The following EBF3 variants were observed in gnomAD, a reference collection of about 807,000 sequenced individuals.
The protein encoded by EBF3 is EBF transcription factor 3, also known as transcription factor COE3.
Under a neutral mutation model 77.1 loss-of-function variants are expected in EBF3, and 18 were observed. The ratio of observed to expected loss-of-function variants is 0.23; its 90% CI spans 0.16 to 0.35. The LOEUF (loss-of-function observed/expected upper bound fraction) is 0.35. EBF3 is among the 10% of genes least tolerant of loss of function. The pLI is 1.00. For synonymous variants in EBF3, 350 were observed against 343.5 expected (o/e 1.02, Z -0.21); for missense variants, 558 against 860.0 (o/e 0.65, Z 4.39).
In EBF3 at chr10:129,842,574, G is replaced by T. The variant is rs1850152161; in HGVS notation, c.1195-281C>A. ...AGGTCAGGAGTTCAAGACCAGCCTGGCCAACATGGCGAAATCCCATCTCTA... is the reference window on the plus strand; with the variant it reads ...AGGTCAGGAGTTCAAGACCAGCCTGTCCAACATGGCGAAATCCCATCTCTA... On this transcript the variant is annotated intron_variant, in intron 12 of 16. Transcript: ENST00000440978. The surrounding 1 kb of genome is among the most constrained non-coding windows in gnomAD (Gnocchi z 4.4). Among the ~76,000 whole-genome samples the T allele has an allele frequency of 6.6e-6, 1 of 152,076 alleles. No homozygotes were observed. The highest frequency in any genetic ancestry group is 6.5e-5 in the Admixed American group (1 of 15,272).
At chr10:129,920,954 C>T (rs1020134423) in intron 6 of EBF3, among the ~76,000 whole-genome samples, 1 of 151,946 alleles carries the variant, frequency 6.6e-6, no homozygotes, top group African/African-American at 2.4e-5. Context: ...CCAGTGCCCA[C>T]CAGAAGGCTG....
At chr10:129,875,388 G>A (rs1408805479) in intron 7 of EBF3, among the ~76,000 whole-genome samples, 1 of 151,900 alleles carries the variant, frequency 6.6e-6, no homozygotes, top group East Asian at 1.9e-4. Flanking sequence ...AGTAGAGATG[G>A]GGTTTCATCA....
chr10:129,952,702 C>G lies in EBF3; in HGVS notation c.554+4556G>C, dbSNP rs1031776885. ...TTATCCTCCCCGCTTCTGAAAACAA[C>G]CTGACAAGAAGATGTAAAGGGCTAG... is the stretch of plus-strand genomic sequence containing the variant. On this transcript the variant is annotated intron_variant, in intron 6 of 16. Coordinates refer to ENST00000440978, the MANE Select transcript of EBF3 (RefSeq NM_001375380.1). The surrounding 1 kb of genome is among the most constrained non-coding windows in gnomAD (Gnocchi z 4.7). 3.3e-5 allele frequency among the ~76,000 whole-genome samples: 5 copies of G among 152,088 alleles called. No individual in the cohort carries two copies. Among genetic ancestry groups the G allele is most frequent in the Non-Finnish European group, 2.9e-5 (2 of 68,014 alleles).
intron 10 of EBF3, among the ~76,000 whole-genome samples, chr10:129,850,431 C>A (rs956443301): frequency 1.3e-5 from 2 of 152,200 alleles, no homozygotes; most frequent in Non-Finnish European, 2.9e-5. Context: ...ACATGGGCCC[C>A]TTTCACCTCT....
rs77059422 is a variant in EBF3 at position 129,956,178 on chromosome 10, C to T, written c.554+1080G>A. On this transcript the variant is annotated intron_variant, in intron 6 of 16. Transcript: ENST00000440978. ...CATTAGCATTGCTCTCCACTGGTGG[C>T]GCATATTTCTTTAGGCTTAACTCAT... Among the ~76,000 whole-genome samples, 786 of 152,272 alleles carry T rather than the reference C, an allele frequency of 5.2e-3. 29 individuals are homozygous for T. The East Asian group carries it at 0.073, about 14-fold the overall frequency.
chr10:129,934,530 C>T (rs1319603855), intron 6 of EBF3, among the ~76,000 whole-genome samples: 1 of 152,188 alleles, frequency 6.6e-6, no homozygotes, highest in African/African-American at 2.4e-5. Context: ...CATCTCAGGG[C>T]CCATGTAAAT....
intron 6 of EBF3, among the ~76,000 whole-genome samples, chr10:129,901,814 G>A (rs1054510346): frequency 3.9e-5 from 6 of 152,186 alleles, no homozygotes; most frequent in Admixed American, 3.9e-4. Context: ...GGTGGGCCTC[G>A]TGGCGAGGGC....
rs552960213 is a variant in EBF3 at position 129,940,120 on chromosome 10, C to T, written c.554+17138G>A. On this transcript the variant is annotated intron_variant, in intron 6 of 16. Transcript: ENST00000440978. ...GGTCAGACTCAAGCCCCTGCCCAGGCACACATCTGCACTGCCATGTCACAC... is the reference window on the plus strand; with the variant it reads ...GGTCAGACTCAAGCCCCTGCCCAGGTACACATCTGCACTGCCATGTCACAC... Among the ~76,000 whole-genome samples, 66 of 152,350 alleles carry T rather than the reference C, an allele frequency of 4.3e-4. 1 individual carries two copies. Among genetic ancestry groups the T allele is most frequent in the Middle Eastern group, 3.4e-3 (1 of 294 alleles).
At chr10:129,962,364 G>A in intron 3 of EBF3, 138 bp from the exon 4 acceptor site, 3 of 717,260 alleles carry the variant, frequency 4.2e-6, no homozygotes, top group South Asian at 1.8e-5. Flanking sequence ...CTTTGAAAGG[G>A]AGAAAGAGAA....
intron 6 of EBF3, among the ~76,000 whole-genome samples, chr10:129,888,259 C>G (rs1853757453): frequency 6.6e-6 from 1 of 152,244 alleles, no homozygotes; most frequent in Non-Finnish European, 1.5e-5. Context: ...TCCCAGTCAA[C>G]AGACTGAAGG....
At chr10:129,932,556 C>T (rs1002213353) in intron 6 of EBF3, among the ~76,000 whole-genome samples, 7 of 152,218 alleles carry the variant, frequency 4.6e-5, no homozygotes, top group Non-Finnish European at 8.8e-5. Flanking sequence ...TTTCCAAGGG[C>T]AGGACAGACA....
intron 6 of EBF3, among the ~76,000 whole-genome samples, chr10:129,898,854 C>A (rs1289002571): frequency 3.3e-5 from 5 of 152,228 alleles, no homozygotes; most frequent in Admixed American, 2.0e-4. Context: ...CCCCGCTGCG[C>A]CTCCCGCAGC....
At chr10:129,860,545 T>A (rs1286908522) in intron 10 of EBF3, among the ~76,000 whole-genome samples, 1 of 152,184 alleles carries the variant, frequency 6.6e-6, no homozygotes, top group Non-Finnish European at 1.5e-5. Context: ...GTGGCCCCGA[T>A]GAGAGCAGCC....
intron 6 of EBF3, among the ~76,000 whole-genome samples, chr10:129,937,858 C>A (rs75213193): frequency 6.6e-6 from 1 of 152,108 alleles, no homozygotes; most frequent in Non-Finnish European, 1.5e-5. Context: ...GAGGAATTCC[C>A]GGGGAAACAT....
In EBF3 at chr10:129,870,769, G is replaced by A. The variant is rs925744435; in HGVS notation, c.781+2683C>T. ...TGACTCAACTTGGAAACCCGTGTTG[G>A]AGACCCATATCTTTGGGTTTTTTTC... is the stretch of plus-strand genomic sequence containing the variant. On this transcript the variant is annotated intron_variant, in intron 8 of 16. Coordinates refer to ENST00000440978, the MANE Select transcript of EBF3 (RefSeq NM_001375380.1). The surrounding 1 kb of genome is among the most constrained non-coding windows in gnomAD (Gnocchi z 4.4). Among the ~76,000 whole-genome samples the A allele has an allele frequency of 4.6e-5, 7 of 152,160 alleles. No individual in the cohort carries two copies. Among genetic ancestry groups the A allele is most frequent in the African/African-American group, 9.7e-5 (4 of 41,428 alleles).
Position 129,842,152 on chromosome 10 carries a change from C to T in EBF3, c.1336G>A (p.Val446Ile), listed in dbSNP as rs765175172. 33 of 1,614,136 alleles carry T rather than the reference C, an allele frequency of 2.0e-5. No individual in the cohort carries two copies. The highest frequency in any genetic ancestry group is 1.3e-4 in the East Asian group (6 of 44,884). Residue 446 changes from valine to isoleucine, a missense_variant, in exon 13 of 17, where the codon GTC becomes ATC. Transcript: ENST00000440978. The surrounding 1 kb of genome is among the most constrained non-coding windows in gnomAD (Gnocchi z 4.4). ...GVNSFSSQLAVNVSETSQAND... is the reference protein window; with the variant it reads ...GVNSFSSQLAINVSETSQAND... ...GCTTGTGACGTCTCTGACACGTTGA[C>T]GGCTAGCTGGCTGCTGAAGGAGTTG...
chr10:129,856,555 C>A (rs1367838252), intron 10 of EBF3, among the ~76,000 whole-genome samples: 1 of 152,060 alleles, frequency 6.6e-6, no homozygotes, highest in Non-Finnish European at 1.5e-5. Context: ...GAGGTAGATT[C>A]ATGGTTGCCA....
intron 6 of EBF3, among the ~76,000 whole-genome samples, chr10:129,886,269 C>A (rs1030805784): frequency 1.3e-5 from 2 of 152,162 alleles, no homozygotes; most frequent in South Asian, 2.1e-4. Context: ...CCTTTTAGGT[C>A]CTGATTAAAA....
chr10:129,938,634 C>T lies in EBF3; in HGVS notation c.554+18624G>A, dbSNP rs973115468. 6.6e-6 allele frequency among the ~76,000 whole-genome samples: 1 copy of T among 152,192 alleles called. No homozygotes were observed. Among genetic ancestry groups the T allele is most frequent in the Non-Finnish European group, 1.5e-5 (1 of 68,036 alleles). The stretch of plus-strand genomic sequence containing the variant: ...AATTTAGCATTTTTGATGGGCAGCC[C>T]AGGCAGGCACGAGCAGAACGCTCCT... On this transcript the variant is annotated intron_variant, in intron 6 of 16. Coordinates refer to ENST00000440978, the MANE Select transcript of EBF3 (RefSeq NM_001375380.1). This position sits in a 1 kb window ranked among gnomAD's most constrained non-coding sequence, Gnocchi z 5.1.
Sources: allele counts gnomAD v4.1 joint callset (sites outside exome capture counted in the v4.1 genomes callset), GRCh38; gene constraint gnomAD v4.1.1; non-coding constraint Gnocchi (gnomAD v3.1); transcripts MANE v1.5; gene names NCBI Gene and HGNC (gene_info 2026-07-23, HGNC 2026-07-21).